Variants in BAZ1B observed in about 807,000 individuals in gnomAD.
BAZ1B encodes the protein tyrosine-protein kinase BAZ1B.
A neutral mutation model predicts 153.8 loss-of-function variants in BAZ1B; 22 were observed. That is an observed-to-expected ratio of 0.14 (90% confidence interval 0.10 to 0.20). BAZ1B has a LOEUF of 0.20. Among genes scored for constraint, BAZ1B ranks in the 10% least tolerant of loss-of-function variants. The pLI, the probability that BAZ1B is intolerant of heterozygous loss-of-function variation, is 1.00. For missense variants in BAZ1B, 1,325 were observed against 1,799.3 expected (o/e 0.74, Z 4.77); for synonymous variants, 676 against 633.4 (o/e 1.07, Z -1.01).
At chr7:73,508,202 A>C (rs1228483695) in intron 3 of BAZ1B, 125 bp downstream of exon 3, 2 of 1,077,378 alleles carry the variant, frequency 1.9e-6, no homozygotes, top group African/African-American at 3.2e-5. Context: ...TAAAGTATTA[A>C]TACTTAACAT....
At chr7:73,491,906 C>G (rs2116387585) in intron 5 of BAZ1B, among the ~76,000 whole-genome samples, 1 of 151,796 alleles carries the variant, frequency 6.6e-6, no homozygotes, top group African/African-American at 2.4e-5. Flanking sequence ...TTCTAAGATT[C>G]TGCACATACA....
chr7:73,521,676 G>A (rs994153111), intron 1 of BAZ1B, 151 bp downstream of exon 1: 4 of 509,258 alleles, frequency 7.9e-6, no homozygotes, highest in African/African-American at 2.1e-5. Flanking sequence ...GCGGGCGCAG[G>A]CTGAGACTCA....
At chr7:73,513,363 A>C (rs1439713898) in intron 1 of BAZ1B, among the ~76,000 whole-genome samples, 1 of 152,232 alleles carries the variant, frequency 6.6e-6, no homozygotes, top group Non-Finnish European at 1.5e-5. Flanking sequence ...CAATAGTATA[A>C]GCACCTTTGC....
At chr7:73,491,034 T>G (rs1470126491) in intron 5 of BAZ1B, among the ~76,000 whole-genome samples, 2 of 151,170 alleles carry the variant, frequency 1.3e-5, no homozygotes, top group Admixed American at 6.6e-5. Flanking sequence ...ATGCCTGTAA[T>G]CCCAGTACTT....
intron 13 of BAZ1B, among the ~76,000 whole-genome samples, chr7:73,459,045 G>A (rs533521109): frequency 3.3e-5 from 5 of 152,056 alleles, no homozygotes; most frequent in South Asian, 2.1e-4. Flanking sequence ...TCAAGAGATC[G>A]AGACCACTCT....
chr7:73,481,203 A>G (rs1789183233), intron 6 of BAZ1B, among the ~76,000 whole-genome samples: 1 of 150,442 alleles, frequency 6.6e-6, no homozygotes, highest in East Asian at 2.1e-4. Flanking sequence ...GATTACAGGC[A>G]TGAGCCACCC....
Position 73,481,985 on chromosome 7 carries a change from G to GC in BAZ1B, c.892-3417dup, listed in dbSNP as rs1346623962. On this transcript the variant is annotated intron_variant, in intron 6 of 19. Transcript: ENST00000339594. ...ACCCGGGAGGCGGAGCTCGCAGTGA[G>GC]CCGAGATCCCGCCACTGCACTCTGG... Among the ~76,000 whole-genome samples, 4 of 152,310 alleles carry GC rather than the reference G, an allele frequency of 2.6e-5. No homozygotes were observed. The East Asian group carries it at 7.7e-4, about 29-fold the overall frequency.
intron 4 of BAZ1B, among the ~76,000 whole-genome samples, chr7:73,494,909 G>A (rs938799220): frequency 2.0e-5 from 3 of 152,188 alleles, no homozygotes; most frequent in Admixed American, 6.5e-5. Flanking sequence ...GTAAAAGAAT[G>A]AGAGAACAAT....
chr7:73,443,193 C>T (rs1326549943), intron 17 of BAZ1B, among the ~76,000 whole-genome samples: 4 of 152,218 alleles, frequency 2.6e-5, no homozygotes, highest in African/African-American at 9.6e-5. Context: ...CATGGAAGGG[C>T]ATCAACAAGC....
intron 1 of BAZ1B, 55 bp downstream of exon 1, chr7:73,521,772 G>C: frequency 7.0e-7 from 1 of 1,423,244 alleles, no homozygotes; most frequent in Non-Finnish European, 9.4e-7. Context: ...CGAGCCCCAG[G>C]CCCTACCCCG....
chr7:73,512,154 C>T (rs1790610763), intron 1 of BAZ1B, among the ~76,000 whole-genome samples: 1 of 151,896 alleles, frequency 6.6e-6, no homozygotes, highest in African/African-American at 2.4e-5. Context: ...TTACCCACAG[C>T]CCTCCAGTCC....
At chr7:73,499,489 C>A (rs781967426) in intron 3 of BAZ1B, among the ~76,000 whole-genome samples, 1 of 152,168 alleles carries the variant, frequency 6.6e-6, no homozygotes, top group Non-Finnish European at 1.5e-5. Context: ...CCCGGCCAGA[C>A]CCAGGAATTT....
intron 3 of BAZ1B, among the ~76,000 whole-genome samples, chr7:73,505,487 CAT>C (rs1790301560): frequency 6.6e-6 from 1 of 152,304 alleles, no homozygotes. Flanking sequence ...TGTTGTACCT[CAT>C]GTAACAGCAT....
chr7:73,442,144 ACCCTCCCT>A, intron 19 of BAZ1B, 29 bp downstream of exon 19: 1 of 180,370 alleles, frequency 5.5e-6, no homozygotes, highest in Non-Finnish European at 1.1e-5. Context: ...CCTCCCTCCC[ACCCTCCCT>A]AGCTGTCCCC....
In BAZ1B at chr7:73,450,725, TA is replaced by T; in HGVS notation, c.3580+121del. On this transcript the variant is annotated intron_variant, in intron 14 of 19. Coordinates refer to ENST00000339594, the MANE Select transcript of BAZ1B (RefSeq NM_032408.4). The surrounding 1 kb of genome is among the most constrained non-coding windows in gnomAD (Gnocchi z 4.1). ...GGCATGTTACAGACCTGCAGGAGAG[TA>T]AAATCTATACCACACTTATATTCTG... The T allele has an allele frequency of 8.3e-7, 1 of 1,199,694 alleles. No individual in the cohort carries two copies. Among genetic ancestry groups the T allele is most frequent in the Non-Finnish European group, 1.2e-6 (1 of 854,730 alleles). The allele number at this position is 1,199,694 out of a possible 1,614,324, so 74.3% of individuals were successfully genotyped here.
At chr7:73,448,102 C>T (rs1172990368) in intron 15 of BAZ1B, among the ~76,000 whole-genome samples, 1 of 152,110 alleles carries the variant, frequency 6.6e-6, no homozygotes, top group African/African-American at 2.4e-5. Flanking sequence ...GTCGGGAGTT[C>T]GAGACTAGCC....
At chr7:73,455,230 T>TA (rs1788153917) in intron 13 of BAZ1B, among the ~76,000 whole-genome samples, 1 of 151,774 alleles carries the variant, frequency 6.6e-6, no homozygotes, top group Admixed American at 6.6e-5. Context: ...CCTCCAAACT[T>TA]ACTAGCGACT....
At chr7:73,443,527 TTTC>T (rs146843390) in intron 17 of BAZ1B, among the ~76,000 whole-genome samples, 56,602 of 151,566 alleles carry the variant, frequency 0.37, 12,883 homozygotes, top group Non-Finnish European at 0.48. Flanking sequence ...TTTTCAAGAG[TTTC>T]TTTTTTGTTC....
intron 6 of BAZ1B, 110 bp from the exon 7 acceptor site, chr7:73,478,679 A>G: frequency 2.7e-5 from 24 of 889,104 alleles, no homozygotes; most frequent in Non-Finnish European, 3.7e-5. Flanking sequence ...AAAGCTACAT[A>G]TTCATATCTC....
Sources: allele counts gnomAD v4.1 joint callset (sites outside exome capture counted in the v4.1 genomes callset), GRCh38; gene constraint gnomAD v4.1.1; non-coding constraint Gnocchi (gnomAD v3.1); transcripts MANE v1.5; gene names NCBI Gene and HGNC (gene_info 2026-07-23, HGNC 2026-07-21).